WDR41: variants seen among roughly 807,000 people sequenced by gnomAD.
The protein encoded by WDR41 is WD repeat-containing protein 41.
WDR41 carries 63 observed loss-of-function variants against 69.3 expected under a neutral mutation model. The ratio of observed to expected loss-of-function variants is 0.91; its 90% CI spans 0.74 to 1.12. The LOEUF (loss-of-function observed/expected upper bound fraction) is 1.12, where lower values mean the gene tolerates loss of function less well. WDR41 is among the 50% of genes most tolerant of loss of function. The pLI, the probability that WDR41 is intolerant of heterozygous loss-of-function variation, is 0.00. For synonymous variants in WDR41, 185 were observed against 192.1 expected (o/e 0.96, Z 0.31); for missense variants, 543 against 534.5 (o/e 1.02, Z -0.16).
At position 77,436,254 on chromosome 5, in the gene WDR41, G is replaced by A. The variant is rs1264391799; in HGVS notation, c.1227+7C>T. On this transcript the variant is annotated splice_region_variant and intron_variant, in intron 12 of 12. Coordinates refer to ENST00000296679, the MANE Select transcript of WDR41 (RefSeq NM_018268.4). The stretch of plus-strand genomic sequence containing the variant: ...TGCTTGGACATTCTGTGGCTAAACA[G>A]CAATACCTCCACAGATGATGAGTGT... The A allele has an allele frequency of 6.2e-7, 1 of 1,608,012 alleles. No homozygotes were observed. Among genetic ancestry groups the A allele is most frequent in the Admixed American group, 1.7e-5 (1 of 59,468 alleles).
chr5:77,512,371 T>A (rs868056986), intron 1 of WDR41, among the ~76,000 whole-genome samples: 38,487 of 121,668 alleles, frequency 0.32, 5,817 homozygotes, highest in Middle Eastern at 0.36. Flanking sequence ...TGTGTGTGTG[T>A]GTGTGTGTGT....
intron 2 of WDR41, among the ~76,000 whole-genome samples, chr5:77,479,853 C>A (rs547919368): frequency 4.0e-5 from 6 of 151,426 alleles, no homozygotes; most frequent in Non-Finnish European, 7.4e-5. Context: ...AGCTTCTGCA[C>A]AGCAAAAGAA....
At chr5:77,540,636 G>C (rs1050536727) in intron 1 of WDR41, 5 of 150,556 alleles carry the variant, frequency 3.3e-5, no homozygotes, top group Admixed American at 6.6e-5. Flanking sequence ...AGCCCAGGTA[G>C]GTTGAGGCTG....
chr5:77,564,387 A>G (rs892231828), intron 1 of WDR41, among the ~76,000 whole-genome samples: 1 of 152,190 alleles, frequency 6.6e-6, no homozygotes, highest in Non-Finnish European at 1.5e-5. Context: ...GACTCTGTCT[A>G]TATAAAAAAC....
chr5:77,579,178 A>T (rs946524113), intron 1 of WDR41, among the ~76,000 whole-genome samples: 1 of 152,122 alleles, frequency 6.6e-6, no homozygotes, highest in Non-Finnish European at 1.5e-5. Context: ...CTTGCCCAAC[A>T]TGTGTAATGG....
intron 1 of WDR41, among the ~76,000 whole-genome samples, chr5:77,548,586 T>C (rs1743241243): frequency 6.6e-6 from 1 of 152,228 alleles, no homozygotes; most frequent in Non-Finnish European, 1.5e-5. Flanking sequence ...TGATACCATC[T>C]TACTTCTGCT....
chr5:77,546,064 C>A, intron 1 of WDR41: 1 of 548,786 alleles, frequency 1.8e-6, no homozygotes, highest in Non-Finnish European at 3.1e-6. Context: ...ACACCTCAGC[C>A]AGGGGCTGCA....
intron 1 of WDR41, among the ~76,000 whole-genome samples, chr5:77,519,265 C>G (rs964714253): frequency 6.6e-6 from 1 of 151,704 alleles, no homozygotes; most frequent in Non-Finnish European, 1.5e-5. Context: ...ATACTTAAAC[C>G]TCCTATAAAT....
At chr5:77,517,631 CATATATATATATATAT>C (rs34773798) in intron 1 of WDR41, among the ~76,000 whole-genome samples, 1 of 141,138 alleles carries the variant, frequency 7.1e-6, no homozygotes, top group Non-Finnish European at 1.5e-5. Flanking sequence ...ATTTATTGAA[CATATATATATATATAT>C]ATATATATAT....
At chr5:77,530,577 GA>G (rs555522172) in intron 1 of WDR41, among the ~76,000 whole-genome samples, 1 of 151,570 alleles carries the variant, frequency 6.6e-6, no homozygotes, top group Non-Finnish European at 1.5e-5. Flanking sequence ...ATCTATAGTG[GA>G]AAAAAACTTC....
intron 1 of WDR41, among the ~76,000 whole-genome samples, chr5:77,527,829 T>G (rs1297195399): frequency 6.6e-6 from 1 of 151,686 alleles, no homozygotes; most frequent in Non-Finnish European, 1.5e-5. Flanking sequence ...GAAATCTACC[T>G]CTAAATGATA....
chr5:77,492,353 G>A, upstream of WDR41: 1 of 1,236,658 alleles, frequency 8.1e-7, no homozygotes. Flanking sequence ...TCAGCCCACG[G>A]GCCGAAGGAA....
intron 9 of WDR41, 52 bp from the exon 10 acceptor site, chr5:77,438,413 G>A (rs1799032199): frequency 6.2e-7 from 1 of 1,601,110 alleles, no homozygotes; most frequent in South Asian, 1.1e-5. Flanking sequence ...ACCCTTCCTA[G>A]TGTAATGGAT....
intron 2 of WDR41, among the ~76,000 whole-genome samples, chr5:77,482,012 T>C (rs1297177849): frequency 6.6e-6 from 1 of 152,224 alleles, no homozygotes; most frequent in African/African-American, 2.4e-5. Context: ...ACCTTTTAAA[T>C]TGGCATTTTT....
At chr5:77,584,695 A>G (rs931251393) in intron 1 of WDR41, among the ~76,000 whole-genome samples, 2 of 152,150 alleles carry the variant, frequency 1.3e-5, no homozygotes, top group African/African-American at 2.4e-5. Context: ...TGATCTTCAA[A>G]AAAGCAAACA....
intron 1 of WDR41, among the ~76,000 whole-genome samples, chr5:77,609,318 G>A (rs1422344854): frequency 9.2e-5 from 14 of 152,260 alleles, no homozygotes; most frequent in East Asian, 1.9e-4. Context: ...CTCCCAGCAC[G>A]CAGCTGGAGA....
At chr5:77,444,055 ATT>A in intron 8 of WDR41, among the ~76,000 whole-genome samples, 1 of 151,836 alleles carries the variant, frequency 6.6e-6, no homozygotes, top group Admixed American at 6.6e-5. Context: ...TAATTTTTGT[ATT>A]TTTAGTAGTG....
At chr5:77,505,345 G>C (rs544937487) in intron 1 of WDR41, among the ~76,000 whole-genome samples, 28 of 152,202 alleles carry the variant, frequency 1.8e-4, no homozygotes, top group Non-Finnish European at 3.7e-4. Flanking sequence ...TCTTCAAGGA[G>C]AACTACAAAG....
At chr5:77,591,318 G>A (rs1744133769) in intron 1 of WDR41, among the ~76,000 whole-genome samples, 1 of 152,050 alleles carries the variant, frequency 6.6e-6, no homozygotes, top group Non-Finnish European at 1.5e-5. Context: ...ATTAGCAGGA[G>A]TTAATCAAAC....
Sources: allele counts gnomAD v4.1 joint callset (sites outside exome capture counted in the v4.1 genomes callset), GRCh38; gene constraint gnomAD v4.1.1; transcripts MANE v1.5; gene names NCBI Gene and HGNC (gene_info 2026-07-23, HGNC 2026-07-21).